Variants in FSTL1 observed in about 807,000 individuals in gnomAD.
FSTL1 encodes follistatin like 1, also known as follistatin-related protein 1.
FSTL1 carries 24 observed loss-of-function variants against 45.9 expected under a neutral mutation model. That is an observed-to-expected ratio of 0.52 (90% CI 0.38 to 0.74). FSTL1 has a LOEUF of 0.74. Ranked by LOEUF, FSTL1 falls within the 30% of genes least tolerant of loss-of-function variation. The pLI is 0.00. For synonymous variants in FSTL1, 120 were observed against 137.6 expected (o/e 0.87, Z 0.89); for missense variants, 340 against 381.8 (o/e 0.89, Z 0.91).
At chr3:120,414,834 C>T (rs1392307456) in intron 3 of FSTL1, among the ~76,000 whole-genome samples, 1 of 151,516 alleles carries the variant, frequency 6.6e-6, no homozygotes, top group Non-Finnish European at 1.5e-5. Context: ...ATCTCAAGTA[C>T]CCAGGGACAC....
In FSTL1 at chr3:120,394,115, T is replaced by C. The variant is rs1463769723; in HGVS notation, c.*2837A>G. ...ATGATCCTTTCAAAGAAACTTGTTCTACCAGTCCCCGAGTAAACTTTCCAT... is the reference window on the plus strand; with the variant it reads ...ATGATCCTTTCAAAGAAACTTGTTCCACCAGTCCCCGAGTAAACTTTCCAT... On this transcript the variant is annotated 3_prime_UTR_variant, in exon 11 of 11. Coordinates refer to ENST00000295633, the MANE Select transcript of FSTL1 (RefSeq NM_007085.5). 2 of 152,232 alleles carry C rather than the reference T, an allele frequency of 1.3e-5. No homozygotes were observed. Among genetic ancestry groups the C allele is most frequent in the Non-Finnish European group, 2.9e-5 (2 of 68,048 alleles). The allele number at this position is 152,232 out of a possible 1,614,324, so 9.4% of individuals were successfully genotyped here.
chr3:120,410,899 A>G (rs1937037395), intron 5 of FSTL1, 53 bp downstream of exon 5: 1 of 1,394,526 alleles, frequency 7.2e-7, no homozygotes, highest in Admixed American at 1.7e-5. Context: ...AATTTCTATC[A>G]TGAAAAGAAT....
chr3:120,424,161 G>A (rs115983937), intron 2 of FSTL1: 7 of 152,544 alleles, frequency 4.6e-5, no homozygotes, highest in African/African-American at 1.7e-4. Context: ...GGAGGCCTGG[G>A]TGCAGTGGCT....
chr3:120,396,997 C>T lies in FSTL1; in HGVS notation c.883-1G>A. On this transcript the variant is annotated splice_acceptor_variant, in intron 10 of 10. Transcript: ENST00000295633. LOFTEE classifies it high-confidence loss of function. ...CTCTCTTGGTCTTTTCAGCTGTTTC[C>T]TTTGAGATGCAAGAGAAAATAGGCG... is the stretch of plus-strand genomic sequence containing the variant. The T allele has an allele frequency of 1.2e-6, 2 of 1,609,104 alleles. No homozygotes were observed. The highest frequency in any genetic ancestry group is 1.7e-6 in the Non-Finnish European group (2 of 1,175,508).
chr3:120,444,549 T>C (rs1024940178), intron 2 of FSTL1, among the ~76,000 whole-genome samples: 1 of 149,920 alleles, frequency 6.7e-6, no homozygotes, highest in Non-Finnish European at 1.5e-5. Context: ...GCCCCTTGGA[T>C]ATTTCATCCA....
chr3:120,410,978 T>A lies in FSTL1; in HGVS notation c.305A>T (p.Lys102Ile). 1 of 1,608,910 alleles carries A rather than the reference T, an allele frequency of 6.2e-7. No individual in the cohort carries two copies. Residue 102 changes from lysine to isoleucine, a missense_variant, in exon 5 of 11, where the codon AAA (lysine) becomes ATA (isoleucine). Physicochemically the swap from Lys to Ile is moderately radical, Grantham distance 102 (BLOSUM62 -3). Transcript: ENST00000295633. ...VDYDGHCKEK[K>I]SVSPSASPVV... ...TGGGCTGGCAGATGGACTTACGGATTTCTTCTCTGCAAGACAAAAAGAGAA... is the reference window on the plus strand; with the variant it reads ...TGGGCTGGCAGATGGACTTACGGATATCTTCTCTGCAAGACAAAAAGAGAA...
chr3:120,420,471 C>T (rs1216384684), intron 2 of FSTL1, among the ~76,000 whole-genome samples: 1 of 152,210 alleles, frequency 6.6e-6, no homozygotes, highest in Non-Finnish European at 1.5e-5. Context: ...CTTTATCCTT[C>T]TGCATCATCT....
intron 2 of FSTL1, 106 bp downstream of exon 2, chr3:120,450,578 C>T: frequency 1.5e-6 from 1 of 679,356 alleles, no homozygotes; most frequent in Non-Finnish European, 2.3e-6. Flanking sequence ...CCGAAACTCC[C>T]AGCGCCACCC....
rs1491195635 is a variant in FSTL1, at chr3:120,412,817, T to TGCGCGC, written c.169-835_169-834insGCGCGC. 1.5e-3 allele frequency among the ~76,000 whole-genome samples: 128 copies of TGCGCGC among 87,598 alleles called. 2 individuals are homozygous for TGCGCGC. The highest frequency in any genetic ancestry group is 0.013 in the East Asian group (35 of 2,772). 57.5% of individuals were successfully genotyped at this position (87,598 alleles called of 152,430 possible). On this transcript the variant is annotated intron_variant, in intron 3 of 10. Transcript: ENST00000295633. ...AGGCAGGCAGGCAAACACACACACA[T>TGCGCGC]GTGCGCGCGCGCGCGCGCGCGCACA...
At chr3:120,450,782 C>A (rs1470321635) in intron 1 of FSTL1, 36 bp from the exon 2 acceptor site, 1 of 1,500,524 alleles carries the variant, frequency 6.7e-7, no homozygotes, top group Non-Finnish European at 8.9e-7. Flanking sequence ...CTGAAGGCGC[C>A]GGGCCCCGCG....
At chr3:120,444,728 CTA>C (rs2107673361) in intron 2 of FSTL1, among the ~76,000 whole-genome samples, 1 of 149,910 alleles carries the variant, frequency 6.7e-6, no homozygotes, top group East Asian at 1.9e-4. Flanking sequence ...ATAGAAAAGA[CTA>C]GAGCAAAGAA....
chr3:120,407,774 G>A (rs1450065861), intron 6 of FSTL1, among the ~76,000 whole-genome samples: 3 of 152,222 alleles, frequency 2.0e-5, no homozygotes, highest in Admixed American at 6.5e-5. Context: ...GAGTGTCTGG[G>A]AAGAGGGGAT....
At chr3:120,415,134 AAC>A (rs922287468) in intron 3 of FSTL1, among the ~76,000 whole-genome samples, 5 of 151,836 alleles carry the variant, frequency 3.3e-5, no homozygotes, top group South Asian at 2.1e-4. Context: ...AAAAAAAAAA[AAC>A]ATTAAAAAAA....
intron 2 of FSTL1, among the ~76,000 whole-genome samples, chr3:120,446,542 T>C (rs1576230068): frequency 6.6e-6 from 1 of 151,976 alleles, no homozygotes; most frequent in African/African-American, 2.4e-5. Flanking sequence ...CAATGGTCTT[T>C]AGAACTGCAA....
intron 2 of FSTL1, among the ~76,000 whole-genome samples, chr3:120,432,697 G>C (rs1937499923): frequency 6.6e-6 from 1 of 152,138 alleles, no homozygotes; most frequent in Admixed American, 6.5e-5. Context: ...GTAAACACTG[G>C]AGAAATGCCA....
intron 2 of FSTL1, among the ~76,000 whole-genome samples, chr3:120,440,188 G>T (rs994843810): frequency 6.6e-6 from 1 of 152,208 alleles, no homozygotes; most frequent in African/African-American, 2.4e-5. Flanking sequence ...GGCTGCAAAT[G>T]CTCCACTGTA....
chr3:120,442,821 A>G lies in FSTL1; in HGVS notation c.63+7863T>C, dbSNP rs1246911107. On this transcript the variant is annotated intron_variant, in intron 2 of 10. Coordinates refer to ENST00000295633, the MANE Select transcript of FSTL1 (RefSeq NM_007085.5). ...AAAAAAAAAAAAAAAGCAGACTTGG[A>G]GACACCCAGAAATGAGAACAAGAAA... 4.2e-5 allele frequency among the ~76,000 whole-genome samples: 6 copies of G among 144,126 alleles called. 2 individuals are homozygous for G. The highest frequency in any genetic ancestry group is 1.6e-4 in the African/African-American group (6 of 37,706). The allele number at this position is 144,126 out of a possible 152,430, so 94.6% of individuals were successfully genotyped here. A position where few individuals can be genotyped will look rare whatever the true frequency, so the allele number is the denominator to read the frequency against.
At chr3:120,434,513 A>T (rs573486679) in intron 2 of FSTL1, among the ~76,000 whole-genome samples, 2 of 152,344 alleles carry the variant, frequency 1.3e-5, no homozygotes, top group Admixed American at 1.3e-4. Flanking sequence ...TCCATGGAAC[A>T]CTAGCCTTGA....
intron 9 of FSTL1, 191 bp from the exon 10 acceptor site, chr3:120,400,150 G>T (rs1936792854): frequency 3.4e-6 from 2 of 595,258 alleles, no homozygotes; most frequent in African/African-American, 3.7e-5. Flanking sequence ...GTAACACATT[G>T]TAACAAAGCA....
Sources: allele counts gnomAD v4.1 joint callset (sites outside exome capture counted in the v4.1 genomes callset), GRCh38; gene constraint gnomAD v4.1.1; transcripts MANE v1.5; gene names NCBI Gene and HGNC (gene_info 2026-07-23, HGNC 2026-07-21).